The following CTNNA3 variants were observed in gnomAD, a reference collection of about 807,000 sequenced individuals.
CTNNA3 encodes the protein catenin alpha 3.
Under a neutral mutation model 95.7 loss-of-function variants are expected in CTNNA3, and 76 were observed. That is an observed-to-expected ratio of 0.79 (90% confidence interval 0.66 to 0.96). The LOEUF is 0.96. Ranked by LOEUF, CTNNA3 falls within the 40% of genes least tolerant of loss-of-function variation. The pLI is 0.00. For missense variants in CTNNA3, 1,191 were observed against 1,089.8 expected, an observed-to-expected ratio of 1.09 and a Z score of -1.31; for synonymous variants, 431 against 374.4, an observed-to-expected ratio of 1.15 and a Z score of -1.74.
chr10:66,553,630 C>G (rs1215762068), intron 10 of CTNNA3, among the ~76,000 whole-genome samples: 1 of 143,564 alleles, frequency 7.0e-6, no homozygotes, highest in Non-Finnish European at 1.5e-5. Flanking sequence ...TGGGTTCACA[C>G]CATTCTCCTG....
At chr10:66,842,420 A>G (rs1447353830) in intron 7 of CTNNA3, among the ~76,000 whole-genome samples, 1 of 152,214 alleles carries the variant, frequency 6.6e-6, no homozygotes, top group Non-Finnish European at 1.5e-5. Context: ...ACTGCCTCGT[A>G]TTGAGAAGTA....
intron 11 of CTNNA3, among the ~76,000 whole-genome samples, chr10:66,475,156 G>C (rs1393094662): frequency 6.6e-6 from 1 of 151,906 alleles, no homozygotes; most frequent in Non-Finnish European, 1.5e-5. Context: ...AAAGTCATAA[G>C]GCATTTGGAA....
At chr10:67,255,965 C>T (rs1016734875) in intron 5 of CTNNA3, among the ~76,000 whole-genome samples, 2 of 151,364 alleles carry the variant, frequency 1.3e-5, no homozygotes, top group African/African-American at 4.9e-5. Context: ...ACCAGCACCA[C>T]CAGAGAAATA....
chr10:65,941,536 C>G (rs1045732887), intron 17 of CTNNA3, among the ~76,000 whole-genome samples: 3 of 152,150 alleles, frequency 2.0e-5, no homozygotes, highest in Non-Finnish European at 2.9e-5. Flanking sequence ...TCCCCCCAGG[C>G]TAAGGAAGAA....
chr10:67,738,046 T>A (rs938745108), intron 1 of CTNNA3, among the ~76,000 whole-genome samples: 1 of 152,302 alleles, frequency 6.6e-6, no homozygotes, highest in South Asian at 2.1e-4. Flanking sequence ...CTGGTGATAC[T>A]TCCAGGTATG....
intron 9 of CTNNA3, among the ~76,000 whole-genome samples, chr10:66,737,110 T>C (rs1260495214): frequency 6.6e-6 from 1 of 151,740 alleles, no homozygotes; most frequent in Non-Finnish European, 1.5e-5. Flanking sequence ...TTCCTCTGAT[T>C]AACAAATTTA....
At chr10:66,442,542 T>C (rs987254663) in intron 11 of CTNNA3, among the ~76,000 whole-genome samples, 2 of 152,190 alleles carry the variant, frequency 1.3e-5, no homozygotes, top group African/African-American at 2.4e-5. Context: ...GATTCACTTA[T>C]ATGAAACAAG....
intron 7 of CTNNA3, among the ~76,000 whole-genome samples, chr10:67,136,728 C>T (rs995530624): frequency 6.6e-6 from 1 of 152,096 alleles, no homozygotes; most frequent in African/African-American, 2.4e-5. Context: ...ACTGAACTTC[C>T]TCAAAAAAGA....
At chr10:66,092,474 C>A (rs1235969194) in intron 14 of CTNNA3, among the ~76,000 whole-genome samples, 4 of 151,926 alleles carry the variant, frequency 2.6e-5, no homozygotes, top group Non-Finnish European at 4.4e-5. Flanking sequence ...TCTATTACTG[C>A]TCACTTCACC....
intron 14 of CTNNA3, among the ~76,000 whole-genome samples, chr10:66,075,202 G>A (rs552506268): frequency 6.6e-6 from 1 of 151,682 alleles, no homozygotes; most frequent in East Asian, 1.9e-4. Flanking sequence ...ATATTGATAT[G>A]CTTACATTAT....
chr10:67,631,483 G>C (rs922879154), intron 2 of CTNNA3, among the ~76,000 whole-genome samples: 1 of 152,174 alleles, frequency 6.6e-6, no homozygotes, highest in Non-Finnish European at 1.5e-5. Context: ...ATACAGAGGT[G>C]ATAAGTAATT....
intron 5 of CTNNA3, among the ~76,000 whole-genome samples, chr10:67,330,811 T>C (rs921477520): frequency 1.3e-5 from 2 of 152,098 alleles, no homozygotes; most frequent in Non-Finnish European, 2.9e-5. Flanking sequence ...GATAAACTGG[T>C]ATTTCACCCT....
chr10:66,692,962 G>A (rs1366054947), intron 9 of CTNNA3, among the ~76,000 whole-genome samples: 1 of 152,090 alleles, frequency 6.6e-6, no homozygotes, highest in African/African-American at 2.4e-5. Flanking sequence ...CCTGAAGGAA[G>A]CACTAAACGT....
At chr10:66,897,514 G>A (rs1845548275) in intron 7 of CTNNA3, among the ~76,000 whole-genome samples, 1 of 152,020 alleles carries the variant, frequency 6.6e-6, no homozygotes, top group Non-Finnish European at 1.5e-5. Context: ...GTATGGATTG[G>A]TAGTTTAACC....
intron 11 of CTNNA3, among the ~76,000 whole-genome samples, chr10:66,473,328 A>T (rs1271621256): frequency 6.6e-6 from 1 of 151,672 alleles, no homozygotes; most frequent in African/African-American, 2.4e-5. Flanking sequence ...ATGAGATCTG[A>T]TGGTTTTATA....
chr10:66,044,589 T>C (rs774613936), intron 15 of CTNNA3, among the ~76,000 whole-genome samples: 1 of 152,164 alleles, frequency 6.6e-6, no homozygotes, highest in Non-Finnish European at 1.5e-5. Flanking sequence ...ATGCTGTTTT[T>C]TTGGCCAAAA....
chr10:67,156,270 T>C (rs1325303074), intron 7 of CTNNA3, among the ~76,000 whole-genome samples: 2 of 152,034 alleles, frequency 1.3e-5, no homozygotes, highest in Non-Finnish European at 2.9e-5. Flanking sequence ...TTTTTCTATG[T>C]TCTCTTGTAT....
At chr10:67,333,249 A>G (rs1841865916) in intron 5 of CTNNA3, among the ~76,000 whole-genome samples, 1 of 152,186 alleles carries the variant, frequency 6.6e-6, no homozygotes, top group African/African-American at 2.4e-5. Flanking sequence ...GACCAAACAG[A>G]ACTAAGACTA....
At chr10:67,067,982 C>A (rs1021677208) in intron 7 of CTNNA3, among the ~76,000 whole-genome samples, 7 of 152,096 alleles carry the variant, frequency 4.6e-5, no homozygotes, top group Non-Finnish European at 7.3e-5. Flanking sequence ...CACATTTAAA[C>A]CAAGTGTCAA....
Sources: allele counts gnomAD v4.1 joint callset (sites outside exome capture counted in the v4.1 genomes callset), GRCh38; gene constraint gnomAD v4.1.1; transcripts MANE v1.5; gene names NCBI Gene and HGNC (gene_info 2026-07-23, HGNC 2026-07-21).